Variants in RYR1 observed in about 807,000 individuals in gnomAD.
RYR1 encodes ryanodine receptor 1, also known as central core disease of muscle.
A neutral mutation model predicts 583.5 loss-of-function variants in RYR1; 342 were observed. The ratio of observed to expected loss-of-function variants is 0.59; its 90% CI spans 0.54 to 0.64. RYR1 has a LOEUF of 0.64. Ranked by LOEUF, RYR1 falls within the 30% of genes least tolerant of loss-of-function variation. RYR1 has a pLI of 0.00. For missense variants in RYR1, 6,032 were observed against 6,917.2 expected (o/e 0.87, Z 4.54); for synonymous variants, 2,791 against 2,822.5 (o/e 0.99, Z 0.35).
At chr19:38,493,580 C>T (rs906663808) in intron 38 of RYR1, among the ~76,000 whole-genome samples, 2 of 147,358 alleles carry the variant, frequency 1.4e-5, no homozygotes, top group Non-Finnish European at 3.0e-5. Context: ...AGTGCAGTGG[C>T]GCGATCTTGG....
chr19:38,539,341 A>G (rs1285902876), intron 84 of RYR1, among the ~76,000 whole-genome samples: 1 of 151,198 alleles, frequency 6.6e-6, no homozygotes, highest in Non-Finnish European at 1.5e-5. Flanking sequence ...CCTGGGCTCA[A>G]GTAATCCACC....
Position 38,565,889 on chromosome 19 carries a change from C to T in RYR1, c.13437+118C>T, listed in dbSNP as rs1973398422. On this transcript the variant is annotated intron_variant, in intron 91 of 105. Coordinates refer to ENST00000359596, the MANE Select transcript of RYR1 (RefSeq NM_000540.3). The surrounding 1 kb of genome is among the most constrained non-coding windows in gnomAD (Gnocchi z 4.7). The stretch of plus-strand genomic sequence containing the variant: ...AGAACTGGCTAGGGGGATGGGCACA[C>T]GCACCCACGGAGGACGCACCCATGG... 2 of 1,172,754 alleles carry T rather than the reference C, an allele frequency of 1.7e-6. No individual in the cohort carries two copies. The highest frequency in any genetic ancestry group is 2.7e-5 in the South Asian group (1 of 37,304). 72.6% of individuals were successfully genotyped at this position (1,172,754 alleles called of 1,614,324 possible).
chr19:38,500,079 A>T lies in RYR1; in HGVS notation c.7323+63A>T. 1 of 1,418,722 alleles carries T rather than the reference A, an allele frequency of 7.0e-7. No homozygotes were observed. Among genetic ancestry groups the T allele is most frequent in the Admixed American group, 1.7e-5 (1 of 58,656 alleles). The allele number at this position is 1,418,722 out of a possible 1,614,324, so 87.9% of individuals were successfully genotyped here. ...CAGGCACAGCCGCTTTGAACGCCTC[A>T]TGCAGGCACTCGGTGACACGGAGTG... On this transcript the variant is annotated intron_variant, in intron 45 of 105. Coordinates refer to ENST00000359596, the MANE Select transcript of RYR1 (RefSeq NM_000540.3). The surrounding 1 kb of genome is among the most constrained non-coding windows in gnomAD (Gnocchi z 5.9).
chr19:38,455,551 G>A lies in RYR1; in HGVS notation c.1672+5G>A. The A allele has an allele frequency of 1.2e-6, 2 of 1,614,020 alleles. No homozygotes were observed. The highest frequency in any genetic ancestry group is 1.7e-6 in the Non-Finnish European group (2 of 1,179,950). ...ATCGGCTGGAGGCCTCGTCTGGTAG[G>A]AGAACCCGGGGGAGTGGGACAGAGG... On this transcript the variant is annotated splice_donor_5th_base_variant and intron_variant, in intron 15 of 105. Coordinates refer to ENST00000359596, the MANE Select transcript of RYR1 (RefSeq NM_000540.3).
rs750513397 is a variant in RYR1, at chr19:38,496,501, C to A, written c.6756C>A (p.Asp2252Glu). The A allele has an allele frequency of 2.7e-5, 44 of 1,613,638 alleles. 1 individual carries two copies. The South Asian group carries it at 4.8e-4, about 18-fold the overall frequency. ...ISRQNQRSMF[D>E]HLSYLLENSG... The stretch of plus-strand genomic sequence containing the variant: ...GGCAGAACCAGCGCTCCATGTTTGA[C>A]CACCTGAGCTACCTGCTGGAGAACA... The change falls in exon 41 of 106, where the codon GAC becomes GAA. Residue 2252 changes from aspartate (D) to glutamate (E), a missense_variant. Physicochemically the swap from Asp to Glu is conservative, Grantham distance 45. Transcript: ENST00000359596. The surrounding 1 kb of genome is among the most constrained non-coding windows in gnomAD (Gnocchi z 4.8).
In RYR1 at chr19:38,523,058, C is replaced by T. The variant is rs1251426458; in HGVS notation, c.10290C>T (p.Ser3430=). The T allele has an allele frequency of 5.6e-6, 9 of 1,609,642 alleles. No individual in the cohort carries two copies. Among genetic ancestry groups the T allele is most frequent in the Non-Finnish European group, 7.6e-6 (9 of 1,178,810 alleles). The change falls in exon 68 of 106, where the codon AGC becomes AGT. Residue 3430 remains serine, a synonymous_variant. Coordinates refer to ENST00000359596, the MANE Select transcript of RYR1 (RefSeq NM_000540.3). ...RAQWLTEPNP[S]AEELFRMVGE... ...AGTGGCTGACGGAGCCGAATCCCAG[C>T]GCGGAGGAGCTGTTCAGGATGGTGG... is the stretch of plus-strand genomic sequence containing the variant.
In RYR1 at chr19:38,496,778, A is replaced by C; in HGVS notation, c.6797-82A>C. 1 of 1,369,072 alleles carries C rather than the reference A, an allele frequency of 7.3e-7. No homozygotes were observed. The highest frequency in any genetic ancestry group is 1.0e-6 in the Non-Finnish European group (1 of 959,762). 84.8% of individuals were successfully genotyped at this position (1,369,072 alleles called of 1,614,324 possible). On this transcript the variant is annotated intron_variant, in intron 41 of 105. Transcript: ENST00000359596. The surrounding 1 kb of genome is among the most constrained non-coding windows in gnomAD (Gnocchi z 4.8). ...AGAGGAGGCACCTGATCCAGGCTGG[A>C]AAAAGGGTGGTCAGGGAGGGCTTCC...
chr19:38,562,764 G>T (rs1352587114), intron 90 of RYR1, among the ~76,000 whole-genome samples: 1 of 152,126 alleles, frequency 6.6e-6, no homozygotes, highest in East Asian at 1.9e-4. Flanking sequence ...CCTGCCCCGT[G>T]TGCCCACGTC....
chr19:38,528,566 G>A (rs1159238416), intron 74 of RYR1, 33 bp from the exon 75 acceptor site: 5 of 1,610,120 alleles, frequency 3.1e-6, no homozygotes, highest in Admixed American at 3.3e-5. Context: ...GGAGGAGGGC[G>A]CGTCCCAGTG....
chr19:38,446,161 ACT>A (rs796757543), intron 7 of RYR1, among the ~76,000 whole-genome samples: 307 of 151,714 alleles, frequency 2.0e-3, no homozygotes, highest in African/African-American at 7.2e-3. Flanking sequence ...CCACACACAC[ACT>A]CTGACCCCAA....
chr19:38,583,019 G>A (rs554175808), intron 101 of RYR1, among the ~76,000 whole-genome samples: 11 of 152,214 alleles, frequency 7.2e-5, no homozygotes, highest in Admixed American at 2.6e-4. Flanking sequence ...AGTGTATGCC[G>A]GGCGCTGTGG....
Position 38,523,260 on chromosome 19 carries a change from TCAA to T in RYR1, c.10397_10399del (p.Asn3466del), listed in dbSNP as rs1971304642. 1.2e-6 allele frequency: 2 copies of T among 1,614,028 alleles called. No homozygotes were observed. The highest frequency in any genetic ancestry group is 1.3e-5 in the African/African-American group (1 of 74,912). On this transcript the variant is annotated inframe_deletion, in exon 69 of 106. Coordinates refer to ENST00000359596, the MANE Select transcript of RYR1 (RefSeq NM_000540.3). The stretch of plus-strand genomic sequence containing the variant: ...CAGAACTTTGTGGTCCAGAATGAGA[TCAA>T]CAACATGTCCTTCCTGACTGCTGAC...
At position 38,499,198 on chromosome 19, in the gene RYR1, G is replaced by A. The variant is rs1969982762; in HGVS notation, c.6982G>A (p.Gly2328Arg). The A allele has an allele frequency of 6.2e-7, 1 of 1,614,204 alleles. No individual in the cohort carries two copies. Among genetic ancestry groups the A allele is most frequent in the Non-Finnish European group, 8.5e-7 (1 of 1,180,028 alleles). The stretch of plus-strand genomic sequence containing the variant: ...AGACATTGGCTGGAACCCCTGTGGT[G>A]GAGAGCGCTACCTGGACTTCCTGCG... ...YPDIGWNPCG[G>R]ERYLDFLRFA... Residue 2328 changes from glycine to arginine, a missense_variant, in exon 43 of 106, where the codon GGA becomes AGA. Physicochemically the swap from Gly to Arg is moderately radical, Grantham distance 125. This residue lies in a region of RYR1 where 2,627 missense variants were observed against 2,961.3 expected (regional missense o/e 0.89). Coordinates refer to ENST00000359596, the MANE Select transcript of RYR1 (RefSeq NM_000540.3). This position sits in a 1 kb window ranked among gnomAD's most constrained non-coding sequence, Gnocchi z 7.3.
rs1042682635 is a variant in RYR1, at chr19:38,487,688, C to T, written c.5547+1486C>T. 2.0e-5 allele frequency among the ~76,000 whole-genome samples: 3 copies of T among 152,350 alleles called. No individual in the cohort carries two copies. In the South Asian group the frequency reaches 6.2e-4, roughly 32 times the overall value. On this transcript the variant is annotated intron_variant, in intron 34 of 105. Transcript: ENST00000359596. The stretch of plus-strand genomic sequence containing the variant: ...TCGCTCTGTCACCCAGGCTGGAGTG[C>T]AATGGCACAATAATGGCTCACTGTA...
chr19:38,478,636 A>G (rs774445134), intron 31 of RYR1, 36 bp downstream of exon 31: 13 of 1,601,948 alleles, frequency 8.1e-6, no homozygotes, highest in Non-Finnish European at 1.1e-5. Context: ...CGAGAGCATC[A>G]TGTCCCAGCA....
At chr19:38,547,234 G>A (rs903620253) in intron 88 of RYR1, among the ~76,000 whole-genome samples, 3 of 134,092 alleles carry the variant, frequency 2.2e-5, no homozygotes, top group African/African-American at 8.3e-5. Flanking sequence ...TGTATTTTTA[G>A]TAGAGACGGG....
intron 94 of RYR1, among the ~76,000 whole-genome samples, chr19:38,571,012 A>C (rs536612071): frequency 6.6e-6 from 1 of 152,218 alleles, no homozygotes; most frequent in African/African-American, 2.4e-5. Flanking sequence ...TCTTGGCAAC[A>C]CCCACTGATT....
intron 76 of RYR1, 22 bp from the exon 77 acceptor site, chr19:38,532,468 A>G (rs774181961): frequency 1.2e-6 from 2 of 1,613,476 alleles, no homozygotes. Flanking sequence ...GGTCCTGACC[A>G]CTCCCCTGCT....
chr19:38,515,158 G>T (rs1177447408), intron 64 of RYR1, 51 bp downstream of exon 64: 4 of 1,173,868 alleles, frequency 3.4e-6, no homozygotes, highest in African/African-American at 1.5e-5. Flanking sequence ...GAGGGGAAGG[G>T]AGGGAGCAGG....
Sources: allele counts gnomAD v4.1 joint callset (sites outside exome capture counted in the v4.1 genomes callset), GRCh38; gene constraint gnomAD v4.1.1; regional missense constraint gnomAD v4.1.1; non-coding constraint Gnocchi (gnomAD v3.1); transcripts MANE v1.5; gene names NCBI Gene and HGNC (gene_info 2026-07-23, HGNC 2026-07-21).